ACOXL: variants seen among roughly 807,000 people sequenced by gnomAD.
The protein encoded by ACOXL is acyl-CoA oxidase like.
ACOXL carries 70 observed loss-of-function variants against 71.9 expected under a neutral mutation model. The ratio of observed to expected loss-of-function variants is 0.97; its 90% CI spans 0.80 to 1.19. The LOEUF (loss-of-function observed/expected upper bound fraction) is 1.19, where lower values mean the gene tolerates loss of function less well. ACOXL is among the 50% of genes most tolerant of loss of function. The pLI is 0.00. For synonymous variants in ACOXL, 253 were observed against 281.6 expected (o/e 0.90, Z 1.02); for missense variants, 703 against 736.3 (o/e 0.95, Z 0.52).
At chr2:111,107,063 T>G (rs1240771699) in intron 17 of ACOXL, among the ~76,000 whole-genome samples, 3 of 152,202 alleles carry the variant, frequency 2.0e-5, no homozygotes, top group Non-Finnish European at 4.4e-5. Context: ...GCTGACACCA[T>G]GGTGGGTACC....
chr2:111,022,882 T>G (rs2064835873), intron 14 of ACOXL, among the ~76,000 whole-genome samples: 1 of 152,172 alleles, frequency 6.6e-6, no homozygotes, highest in African/African-American at 2.4e-5. Flanking sequence ...GAAAAAAGAC[T>G]CTGTGGCCTG....
At chr2:110,785,662 A>G (rs1437089466) in intron 3 of ACOXL, among the ~76,000 whole-genome samples, 1 of 152,142 alleles carries the variant, frequency 6.6e-6, no homozygotes, top group East Asian at 1.9e-4. Flanking sequence ...ATACCACAGC[A>G]TTTATTCATC....
At chr2:111,063,832 A>C (rs986400710) in intron 16 of ACOXL, among the ~76,000 whole-genome samples, 1 of 152,240 alleles carries the variant, frequency 6.6e-6, no homozygotes, top group Admixed American at 6.5e-5. Flanking sequence ...AAAGGGAGAC[A>C]AAAGTAGCCC....
chr2:111,085,067 C>G (rs991682260), intron 16 of ACOXL, among the ~76,000 whole-genome samples: 28 of 152,150 alleles, frequency 1.8e-4, no homozygotes, highest in Admixed American at 4.6e-4. Flanking sequence ...CAGGAACACC[C>G]AGATTCATAA....
intron 11 of ACOXL, among the ~76,000 whole-genome samples, chr2:110,931,701 G>A (rs2060485143): frequency 6.6e-6 from 1 of 152,110 alleles, no homozygotes; most frequent in East Asian, 1.9e-4. Flanking sequence ...TTTTACAGAT[G>A]CAAATTCAAA....
At chr2:111,111,722 A>G (rs1406096965) in intron 17 of ACOXL, among the ~76,000 whole-genome samples, 1 of 152,212 alleles carries the variant, frequency 6.6e-6, no homozygotes, top group Non-Finnish European at 1.5e-5. Flanking sequence ...TGATTAAGCA[A>G]ACTTTGTCAT....
chr2:110,841,214 A>G (rs1691135136), intron 9 of ACOXL, among the ~76,000 whole-genome samples, 157 bp from the exon 10 acceptor site: 1 of 152,218 alleles, frequency 6.6e-6, no homozygotes, highest in Non-Finnish European at 1.5e-5. Flanking sequence ...TTGAAACTAA[A>G]TATCTGTCAT....
intron 10 of ACOXL, among the ~76,000 whole-genome samples, chr2:110,873,725 TTGGGAGGGGC>T: frequency 6.6e-6 from 1 of 152,152 alleles, no homozygotes; most frequent in Non-Finnish European, 1.5e-5. Context: ...AGGGCCCCCG[TTGGGAGGGGC>T]CAGGAGGGGC....
Position 110,987,144 on chromosome 2 carries a change from CA to C in ACOXL, c.1097del (p.Gln366ArgfsTer22). The C allele has an allele frequency of 6.3e-7, 1 of 1,577,152 alleles. No individual in the cohort carries two copies. Among genetic ancestry groups the C allele is most frequent in the Non-Finnish European group, 8.6e-7 (1 of 1,158,304 alleles). ...GGAACTGCTGGCCCAATACACCAAA[CA>C]GTATGAAGAAAAACCACTCTTTGGC... ...GRELLAQYTK[Q>X]YEEKPLFGLL... On this transcript the variant is annotated frameshift_variant, in exon 13 of 18. Coordinates refer to ENST00000439055, the MANE Select transcript of ACOXL (RefSeq NM_001142807.4). LOFTEE classifies it high-confidence loss of function.
At chr2:110,798,526 G>A in intron 5 of ACOXL, 84 bp from the exon 6 acceptor site, 1 of 1,122,038 alleles carries the variant, frequency 8.9e-7, no homozygotes. Context: ...AAAGTGCTGG[G>A]ATTACAGTAT....
chr2:111,064,058 G>A (rs2066937709), intron 16 of ACOXL, among the ~76,000 whole-genome samples: 1 of 152,200 alleles, frequency 6.6e-6, no homozygotes, highest in South Asian at 2.1e-4. Context: ...TCTATATATA[G>A]TTGTCCCAAG....
intron 10 of ACOXL, among the ~76,000 whole-genome samples, chr2:110,875,128 A>C (rs1437436592): frequency 6.6e-6 from 1 of 152,230 alleles, no homozygotes; most frequent in African/African-American, 2.4e-5. Flanking sequence ...GACGCAGCAC[A>C]GTTAGAGTGA....
chr2:111,117,467 T>C (rs2070443137), intron 17 of ACOXL, 149 bp from the exon 18 acceptor site: 1 of 819,662 alleles, frequency 1.2e-6, no homozygotes, highest in Admixed American at 2.3e-5. Context: ...GGGTTATTCA[T>C]GGCCAACAGT....
chr2:110,983,619 C>T (rs1574382182), intron 12 of ACOXL, among the ~76,000 whole-genome samples: 2 of 152,104 alleles, frequency 1.3e-5, no homozygotes, highest in Admixed American at 6.5e-5. Flanking sequence ...GAAACACCAC[C>T]CACAATCACC....
At chr2:110,744,494 T>C (rs1677942570) in intron 1 of ACOXL, among the ~76,000 whole-genome samples, 1 of 152,048 alleles carries the variant, frequency 6.6e-6, no homozygotes, top group African/African-American at 2.4e-5. Context: ...GAGCTGGTGG[T>C]AATTTCTTTT....
At chr2:111,106,788 C>T (rs2069565751) in intron 17 of ACOXL, among the ~76,000 whole-genome samples, 1 of 152,120 alleles carries the variant, frequency 6.6e-6, no homozygotes, top group South Asian at 2.1e-4. Flanking sequence ...GGGCTGGGGA[C>T]TCCTTGTTAT....
chr2:111,031,531 G>A (rs1406350019), intron 14 of ACOXL, 96 bp from the exon 15 acceptor site: 6 of 1,084,186 alleles, frequency 5.5e-6, no homozygotes, highest in African/African-American at 3.1e-5. Context: ...GCTTAATGTA[G>A]TACTGAAAAT....
intron 16 of ACOXL, among the ~76,000 whole-genome samples, chr2:111,090,291 C>T (rs1304904945): frequency 6.6e-5 from 10 of 152,116 alleles, no homozygotes; most frequent in Non-Finnish European, 1.2e-4. Flanking sequence ...CACAATGACT[C>T]TTCCAACAGT....
At chr2:110,976,491 G>T (rs989179059) in intron 12 of ACOXL, among the ~76,000 whole-genome samples, 2 of 152,222 alleles carry the variant, frequency 1.3e-5, no homozygotes, top group Non-Finnish European at 2.9e-5. Flanking sequence ...GCAATATAAA[G>T]ACAGATATTC....
Sources: allele counts gnomAD v4.1 joint callset (sites outside exome capture counted in the v4.1 genomes callset), GRCh38; gene constraint gnomAD v4.1.1; transcripts MANE v1.5; gene names NCBI Gene and HGNC (gene_info 2026-07-23, HGNC 2026-07-21).